TANC2: variants seen among roughly 807,000 people sequenced by gnomAD.
TANC2 encodes the protein protein TANC2.
Under a neutral mutation model 210.5 loss-of-function variants are expected in TANC2, and 26 were observed. The ratio of observed to expected loss-of-function variants is 0.12; its 90% CI spans 0.09 to 0.17. The LOEUF is 0.17. Among genes scored for constraint, TANC2 ranks in the 10% least tolerant of loss-of-function variants. TANC2 has a pLI of 1.00. For missense variants in TANC2, 2,129 were observed against 2,608.9 expected (o/e 0.82, Z 4.01); for synonymous variants, 931 against 967.1 (o/e 0.96, Z 0.69).
At chr17:63,389,359 G>T in exon 17 of TANC2, 1 of 1,613,982 alleles carries the variant, frequency 6.2e-7, no homozygotes. Context: ...CCGGACAGAG[G>T]TTTTAAATAA....
rs1372898162 is a variant in TANC2, at chr17:63,412,620, T to TC, written c.3899-59dup. On this transcript the variant is annotated intron_variant, in intron 23 of 27. Transcript: ENST00000689528. This position sits in a 1 kb window ranked among gnomAD's most constrained non-coding sequence, Gnocchi z 4.2. ...TGCTTTTTCCTTCTTTTTTTTTTTT[T>TC]CACCTTCATCCATTTTTTTTTCCTC... 7 of 1,416,334 alleles carry TC rather than the reference T, an allele frequency of 4.9e-6. No homozygotes were observed. The highest frequency in any genetic ancestry group is 2.9e-5 in the African/African-American group (2 of 69,448). 87.7% of individuals were successfully genotyped at this position (1,416,334 alleles called of 1,614,324 possible).
intron 11 of TANC2, among the ~76,000 whole-genome samples, chr17:63,329,431 T>C (rs1319111733): frequency 1.3e-5 from 2 of 149,800 alleles, no homozygotes; most frequent in Non-Finnish European, 2.9e-5. Context: ...GAGATACCAG[T>C]TTTTTACCTA....
intron 14 of TANC2, among the ~76,000 whole-genome samples, chr17:63,358,607 C>T (rs959011108): frequency 6.6e-6 from 1 of 152,084 alleles, no homozygotes; most frequent in African/African-American, 2.4e-5. Flanking sequence ...GTTTTATTCT[C>T]TTGGGCACGG....
intron 2 of TANC2, among the ~76,000 whole-genome samples, chr17:63,045,378 A>G (rs1311683049): frequency 6.6e-6 from 1 of 152,198 alleles, no homozygotes; most frequent in Non-Finnish European, 1.5e-5. Context: ...TGGTTTTAGG[A>G]CGGAAACTCC....
intron 4 of TANC2, among the ~76,000 whole-genome samples, chr17:63,123,893 G>A (rs910963595): frequency 4.0e-5 from 6 of 151,628 alleles, no homozygotes; most frequent in African/African-American, 1.5e-4. Flanking sequence ...AGTAGAGATG[G>A]GGTTTCACCA....
intron 8 of TANC2, among the ~76,000 whole-genome samples, chr17:63,240,252 T>C (rs2042738230): frequency 6.6e-6 from 1 of 152,224 alleles, no homozygotes. Context: ...ATTCTGGTTC[T>C]ATTATTTGAG....
rs141421886 is a variant in TANC2, at chr17:63,042,787, T to A, written c.68-31156T>A. On this transcript the variant is annotated intron_variant, in intron 2 of 27. Transcript: ENST00000689528. ...ACAGTGTGGTTAAGGGTAGAAGAAA[T>A]TAACAGTGAAGAATTTGTTACATTC... Among the ~76,000 whole-genome samples the A allele has an allele frequency of 1.3e-4, 20 of 152,166 alleles. No homozygotes were observed. The East Asian group carries it at 3.7e-3, about 28-fold the overall frequency.
intron 12 of TANC2, among the ~76,000 whole-genome samples, chr17:63,342,497 T>TA (rs2046265963): frequency 6.6e-6 from 1 of 152,114 alleles, no homozygotes. Flanking sequence ...ATCTACACCT[T>TA]ACAGCCAATT....
intron 2 of TANC2, among the ~76,000 whole-genome samples, chr17:63,047,730 T>C (rs1568342797): frequency 6.6e-6 from 1 of 152,126 alleles, no homozygotes; most frequent in African/African-American, 2.4e-5. Context: ...AAGAAAAATA[T>C]CTTTTCTTCA....
intron 4 of TANC2, among the ~76,000 whole-genome samples, chr17:63,125,467 G>A (rs1261552610): frequency 6.6e-6 from 1 of 152,140 alleles, no homozygotes; most frequent in African/African-American, 2.4e-5. Flanking sequence ...AGTTTTTTAA[G>A]TGAGCAGAGA....
At chr17:63,253,686 C>T (rs761419600) in intron 8 of TANC2, among the ~76,000 whole-genome samples, 3 of 152,112 alleles carry the variant, frequency 2.0e-5, no homozygotes, top group Non-Finnish European at 4.4e-5. Flanking sequence ...AATTATGGCT[C>T]ACTGCAGCTT....
At chr17:63,343,946 AAGG>A (rs896369913) in intron 12 of TANC2, among the ~76,000 whole-genome samples, 1 of 152,198 alleles carries the variant, frequency 6.6e-6, no homozygotes, top group African/African-American at 2.4e-5. Flanking sequence ...TAACAAAATA[AAGG>A]AGAACATCCA....
At chr17:63,131,466 G>A (rs1409961185) in intron 4 of TANC2, among the ~76,000 whole-genome samples, 2 of 151,952 alleles carry the variant, frequency 1.3e-5, no homozygotes, top group African/African-American at 2.4e-5. Flanking sequence ...GAAAAAAAGG[G>A]GAGGATAAAA....
At chr17:63,022,485 T>A (rs987174342) in intron 2 of TANC2, among the ~76,000 whole-genome samples, 2 of 151,990 alleles carry the variant, frequency 1.3e-5, no homozygotes, top group Non-Finnish European at 2.9e-5. Flanking sequence ...AATTTATAAT[T>A]AAAAGGGAAG....
At chr17:63,063,594 A>C (rs1375347431) in intron 2 of TANC2, among the ~76,000 whole-genome samples, 1 of 140,252 alleles carries the variant, frequency 7.1e-6, no homozygotes, top group Admixed American at 7.2e-5. Context: ...CTCTTACAGT[A>C]TCACACTTCG....
chr17:63,267,902 G>A, intron 9 of TANC2, 29 bp downstream of exon 9: 2 of 1,574,860 alleles, frequency 1.3e-6, no homozygotes, highest in South Asian at 1.2e-5. Context: ...CTTTAAGGGT[G>A]CCCGGGAACA....
At chr17:63,369,473 G>A (rs959194646) in intron 14 of TANC2, among the ~76,000 whole-genome samples, 4 of 152,038 alleles carry the variant, frequency 2.6e-5, no homozygotes, top group South Asian at 2.1e-4. Context: ...TTACTGTCAC[G>A]GGACACAAGG....
chr17:63,113,608 A>G (rs1056525876), intron 4 of TANC2, among the ~76,000 whole-genome samples: 2 of 152,160 alleles, frequency 1.3e-5, no homozygotes, highest in African/African-American at 4.8e-5. Flanking sequence ...CCTGGGGTCA[A>G]GAGATCTTCC....
chr17:63,368,153 A>G (rs905187354), intron 14 of TANC2, among the ~76,000 whole-genome samples: 2 of 152,218 alleles, frequency 1.3e-5, no homozygotes, highest in Admixed American at 6.5e-5. Context: ...GTCAGGACAG[A>G]GGGATCAAAA....
Sources: allele counts gnomAD v4.1 joint callset (sites outside exome capture counted in the v4.1 genomes callset), GRCh38; gene constraint gnomAD v4.1.1; non-coding constraint Gnocchi (gnomAD v3.1); transcripts MANE v1.5; gene names NCBI Gene and HGNC (gene_info 2026-07-23, HGNC 2026-07-21).